ABTB1: variants seen among roughly 807,000 people sequenced by gnomAD.
ABTB1 encodes the protein ankyrin repeat and BTB/POZ domain-containing protein 1.
Under a neutral mutation model 57.1 loss-of-function variants are expected in ABTB1, and 45 were observed. The ratio of observed to expected loss-of-function variants is 0.79; its 90% confidence interval spans 0.62 to 1.01. The LOEUF is 1.01. ABTB1 is among the 50% of genes least tolerant of loss of function. The pLI, the probability that ABTB1 is intolerant of heterozygous loss-of-function variation, is 0.00. For synonymous variants in ABTB1, 302 were observed against 275.4 expected (o/e 1.10, Z -0.95); for missense variants, 630 against 666.3 (o/e 0.95, Z 0.60).
Position 127,676,867 on chromosome 3 carries a change from T to C in ABTB1, c.527-100T>C, listed in dbSNP as rs887390430. On this transcript the variant is annotated intron_variant, in intron 6 of 11. Transcript: ENST00000232744. The surrounding 1 kb of genome is among the most constrained non-coding windows in gnomAD (Gnocchi z 5.4). ...TGGCAAGTGGGCCCAGGAGTCCTAG[T>C]CCTGCAGCCAGGTGGCCAGGTGGGA... 9.9e-6 allele frequency: 12 copies of C among 1,217,508 alleles called. No individual in the cohort carries two copies. The African/African-American group carries it at 1.5e-4, about 15-fold the overall frequency. The allele number at this position is 1,217,508 out of a possible 1,614,324, so 75.4% of individuals were successfully genotyped here.
Position 127,680,145 on chromosome 3 carries a change from A to C in ABTB1, c.1190A>C (p.Glu397Ala). The C allele has an allele frequency of 6.2e-7, 1 of 1,613,938 alleles. No homozygotes were observed. Among genetic ancestry groups the C allele is most frequent in the Non-Finnish European group, 8.5e-7 (1 of 1,180,024 alleles). ...AAGCTCTTCCGCCTGGCGCGGCTTG[A>C]GGACCAGTGCACTGAGTACATGGCC... ...VAKLFRLARL[E>A]DQCTEYMAKV... Residue 397 changes from glutamate to alanine, a missense_variant, in exon 11 of 12, where the codon GAG (glutamate) becomes GCG (alanine). By Grantham distance (107) the Glu-to-Ala change is moderately radical. This residue lies in a region of ABTB1 where 579 missense variants were observed against 585.9 expected (regional missense o/e 0.99). Transcript: ENST00000232744.
chr3:127,674,881 A>T (rs1329621766), intron 3 of ABTB1, among the ~76,000 whole-genome samples: 6 of 152,168 alleles, frequency 3.9e-5, no homozygotes, highest in Non-Finnish European at 5.9e-5. Context: ...AGCCAAGTTG[A>T]TCTTTTCACA....
chr3:127,675,254 T>TTGG (rs2074950546), intron 3 of ABTB1, among the ~76,000 whole-genome samples: 1 of 151,620 alleles, frequency 6.6e-6, no homozygotes, highest in Admixed American at 6.6e-5. Context: ...TCTTCCTATT[T>TTGG]TGGTTTTTTC....
At chr3:127,675,183 C>T (rs1253133922) in intron 3 of ABTB1, among the ~76,000 whole-genome samples, 2 of 152,096 alleles carry the variant, frequency 1.3e-5, no homozygotes, top group African/African-American at 4.8e-5. Context: ...ATTCAGGTCT[C>T]TGCATGCTGC....
chr3:127,675,895 G>A (rs1301063531), intron 3 of ABTB1, 75 bp from the exon 4 acceptor site: 16 of 1,553,888 alleles, frequency 1.0e-5, no homozygotes, highest in East Asian at 2.3e-5. Flanking sequence ...GTGGGAAGGT[G>A]GGGAGGAGGG....
In ABTB1 at chr3:127,680,608, C is replaced by T. The variant is rs999771480; in HGVS notation, c.*133C>T. The T allele has an allele frequency of 1.3e-5, 14 of 1,105,840 alleles. No individual in the cohort carries two copies. Among genetic ancestry groups the T allele is most frequent in the South Asian group, 2.5e-5 (2 of 79,710 alleles). The allele number at this position is 1,105,840 out of a possible 1,614,324, so 68.5% of individuals were successfully genotyped here. A position where few individuals can be genotyped will look rare whatever the true frequency, so the allele number is the denominator to read the frequency against. The stretch of plus-strand genomic sequence containing the variant: ...GGGGGGTGCGAGGGGCTCAGTGGGG[C>T]TTCTCTTCCCTCCATGAGCCTGGAG... On this transcript the variant is annotated 3_prime_UTR_variant, in exon 12 of 12. Coordinates refer to ENST00000232744, the MANE Select transcript of ABTB1 (RefSeq NM_172027.3).
intron 1 of ABTB1, chr3:127,673,982 CCAT>C: frequency 3.7e-6 from 1 of 268,884 alleles, no homozygotes; most frequent in South Asian, 4.0e-5. Flanking sequence ...GCCCTCCACA[CCAT>C]CAGGAGGCCT....
intron 1 of ABTB1, chr3:127,674,083 A>G (rs1456574106): frequency 1.6e-5 from 7 of 426,238 alleles, no homozygotes; most frequent in Non-Finnish European, 3.1e-5. Context: ...AGGCTCCATC[A>G]CCTCCTCTCC....
chr3:127,675,407 G>A (rs1013113141), intron 3 of ABTB1: 1 of 158,106 alleles, frequency 6.3e-6, no homozygotes, highest in Non-Finnish European at 1.4e-5. Flanking sequence ...TCTTCAAATA[G>A]CTGAGACTAC....
chr3:127,680,055 T>C lies in ABTB1; in HGVS notation c.1100T>C (p.Leu367Pro), dbSNP rs1351541604. The C allele has an allele frequency of 6.2e-7, 1 of 1,613,838 alleles. No individual in the cohort carries two copies. Among genetic ancestry groups the C allele is most frequent in the Admixed American group, 1.7e-5 (1 of 60,030 alleles). Reference protein sequence around the residue: ...DMYLLPGLKRLCGRSLAQMLD... With the variant: ...DMYLLPGLKRPCGRSLAQMLD... Reference sequence around the variant, plus strand: ...TACCTGCTGCCAGGCCTGAAGAGGCTGTGCGGCCGCAGCCTGGCTCAGATG... The same window carrying C: ...TACCTGCTGCCAGGCCTGAAGAGGCCGTGCGGCCGCAGCCTGGCTCAGATG... Residue 367 changes from leucine to proline, a missense_variant, in exon 11 of 12, where the codon CTG becomes CCG. Transcript: ENST00000232744.
chr3:127,677,013 G>C lies in ABTB1; in HGVS notation c.573G>C (p.Leu191=). ...GVEHVSDCER[L]AKQCQLWDLL... is the part of the protein sequence containing the mutation. Reference sequence around the variant, plus strand: ...AGCATGTGAGTGACTGTGAGCGCCTGGCCAAGCAATGCCAGCTGTGGGACC... The same window carrying C: ...AGCATGTGAGTGACTGTGAGCGCCTCGCCAAGCAATGCCAGCTGTGGGACC... The change falls in exon 7 of 12, where the codon CTG becomes CTC. Residue 191 remains leucine (L), a synonymous_variant. Transcript: ENST00000232744. The C allele has an allele frequency of 6.2e-7, 1 of 1,614,060 alleles. No homozygotes were observed. Among genetic ancestry groups the C allele is most frequent in the Non-Finnish European group, 8.5e-7 (1 of 1,179,992 alleles).
At chr3:127,679,811 GAATCT>G in intron 10 of ABTB1, 169 bp from the exon 11 acceptor site, 1 of 610,608 alleles carries the variant, frequency 1.6e-6, no homozygotes. Context: ...ATCCCTGTGG[GAATCT>G]GGGCCAGCCC....
rs535149606 is a variant in ABTB1 at position 127,673,326 on chromosome 3, A to T, written c.56+245A>T. The T allele has an allele frequency of 1.8e-5, 6 of 328,704 alleles. No individual in the cohort carries two copies. In the South Asian group the frequency reaches 6.4e-4, roughly 35 times the overall value. The allele number at this position is 328,704 out of a possible 1,614,324, so 20.4% of individuals were successfully genotyped here. A position where few individuals can be genotyped will look rare whatever the true frequency, so the allele number is the denominator to read the frequency against. ...GGCTTCCTGTAAGAAGGGACTGCTC[A>T]GCGGAGGCCCGAAGGCGCAGAAGTG... On this transcript the variant is annotated intron_variant, in intron 1 of 11. Coordinates refer to ENST00000232744, the MANE Select transcript of ABTB1 (RefSeq NM_172027.3).
Position 127,680,443 on chromosome 3 carries a change from G to T in ABTB1, c.1405G>T (p.Asp469Tyr). The change falls in exon 12 of 12, where the codon GAC (aspartate) becomes TAC (tyrosine). Residue 469 changes from aspartate (D) to tyrosine (Y), a missense_variant. Physicochemically the swap from Asp to Tyr is radical, Grantham distance 160 (BLOSUM62 -3). Transcript: ENST00000232744. ...GCAGCAGCGTCTGCGGGCACTCGAG[G>T]ACCTGCTCGTGTCCATCGGTCTGGA... ...EAQQRLRALEDLLVSIGLDC is the reference protein window; with the variant it reads ...EAQQRLRALEYLLVSIGLDC 6.2e-7 allele frequency: 1 copy of T among 1,604,740 alleles called. No homozygotes were observed.
At chr3:127,674,127 A>G (rs894496680) in intron 1 of ABTB1, 1 of 521,420 alleles carries the variant, frequency 1.9e-6, no homozygotes, top group African/African-American at 1.9e-5. Context: ...CAGCCTCGGC[A>G]CTGGCTCTGG....
At chr3:127,675,076 A>G (rs576301513) in intron 3 of ABTB1, among the ~76,000 whole-genome samples, 97 of 151,968 alleles carry the variant, frequency 6.4e-4, no homozygotes, top group Non-Finnish European at 1.3e-3. Context: ...CCACTGTGCT[A>G]TGCATGCCCC....
At chr3:127,675,889 G>A (rs2074969003) in intron 3 of ABTB1, 81 bp from the exon 4 acceptor site, 4 of 1,537,900 alleles carry the variant, frequency 2.6e-6, no homozygotes, top group Non-Finnish European at 2.7e-6. Flanking sequence ...CCATGTGTGG[G>A]AAGGTGGGGA....
Position 127,676,264 on chromosome 3 carries a change from C to T in ABTB1, c.321-8C>T. The T allele has an allele frequency of 1.9e-6, 3 of 1,612,000 alleles. No homozygotes were observed. The highest frequency in any genetic ancestry group is 2.5e-6 in the Non-Finnish European group (3 of 1,178,600). On this transcript the variant is annotated splice_polypyrimidine_tract_variant and splice_region_variant and intron_variant, in intron 4 of 11. Coordinates refer to ENST00000232744, the MANE Select transcript of ABTB1 (RefSeq NM_172027.3). The surrounding 1 kb of genome is among the most constrained non-coding windows in gnomAD (Gnocchi z 5.4). Reference sequence around the variant, plus strand: ...AAGTATCCTCCCTCCTGGCTTGTCCCTCCCCAGGCTTCTAGAGCAGGGCAT... The same window carrying T: ...AAGTATCCTCCCTCCTGGCTTGTCCTTCCCCAGGCTTCTAGAGCAGGGCAT...
At position 127,676,270 on chromosome 3, in the gene ABTB1, A is replaced by C. The variant is rs1052536107; in HGVS notation, c.321-2A>C. ...CCTCCCTCCTGGCTTGTCCCTCCCCAGGCTTCTAGAGCAGGGCATCCACAG... is the reference window on the plus strand; with the variant it reads ...CCTCCCTCCTGGCTTGTCCCTCCCCCGGCTTCTAGAGCAGGGCATCCACAG... On this transcript the variant is annotated splice_acceptor_variant, in intron 4 of 11. Transcript: ENST00000232744. LOFTEE classifies it high-confidence loss of function. The surrounding 1 kb of genome is among the most constrained non-coding windows in gnomAD (Gnocchi z 5.4). The C allele has an allele frequency of 6.2e-7, 1 of 1,612,422 alleles. No homozygotes were observed. Among genetic ancestry groups the C allele is most frequent in the Non-Finnish European group, 8.5e-7 (1 of 1,178,888 alleles).
Sources: allele counts gnomAD v4.1 joint callset (sites outside exome capture counted in the v4.1 genomes callset), GRCh38; gene constraint gnomAD v4.1.1; regional missense constraint gnomAD v4.1.1; non-coding constraint Gnocchi (gnomAD v3.1); transcripts MANE v1.5; gene names NCBI Gene and HGNC (gene_info 2026-07-23, HGNC 2026-07-21).